Variants in ZNF678 observed in about 807,000 individuals in gnomAD.
The protein encoded by ZNF678 is zinc finger protein 678.
ZNF678 carries 5 observed loss-of-function variants against 3.0 expected under a neutral mutation model. That is an observed-to-expected ratio of 1.69 (90% confidence interval 0.88 to 3.56). ZNF678 has a LOEUF of 3.56. Among genes scored for constraint, ZNF678 ranks in the 30% most tolerant of loss-of-function variants. The probability of loss-of-function intolerance (pLI) is 0.00; values close to 1 mark genes in which losing one functional copy is unlikely to be tolerated. For synonymous variants in ZNF678, 218 were observed against 199.6 expected (o/e 1.09, Z -0.78); for missense variants, 593 against 605.0 (o/e 0.98, Z 0.21).
At chr1:227,577,816 G>A (rs116038414) in intron 1 of ZNF678, among the ~76,000 whole-genome samples, 1 of 152,250 alleles carries the variant, frequency 6.6e-6, no homozygotes, top group African/African-American at 2.4e-5. Flanking sequence ...TGTTCATGTG[G>A]TTGCTTTATA....
chr1:227,596,341 G>T (rs898464696), intron 1 of ZNF678, among the ~76,000 whole-genome samples: 3 of 152,188 alleles, frequency 2.0e-5, no homozygotes, highest in Admixed American at 1.3e-4. Flanking sequence ...ATTCAACCAG[G>T]AGCATTGGCA....
rs889971727 is a variant in ZNF678 at position 227,563,670 on chromosome 1, A to G, written c.-218A>G. On this transcript the variant is annotated 5_prime_UTR_variant, in exon 1 of 4. Coordinates refer to ENST00000343776, the MANE Select transcript of ZNF678 (RefSeq NM_001367909.1). Reference sequence around the variant, plus strand: ...AGTGTCTGGTTTCCCTGTGACCTGCAGGTACTGGGAGTTACATAGCTAAGA... The same window carrying G: ...AGTGTCTGGTTTCCCTGTGACCTGCGGGTACTGGGAGTTACATAGCTAAGA... 3.0e-6 allele frequency: 4 copies of G among 1,328,538 alleles called. No individual in the cohort carries two copies. In the African/African-American group the frequency reaches 6.0e-5, roughly 20 times the overall value. The allele number at this position is 1,328,538 out of a possible 1,614,324, so 82.3% of individuals were successfully genotyped here.
At chr1:227,574,135 T>C (rs1161844068) in intron 1 of ZNF678, among the ~76,000 whole-genome samples, 1 of 152,204 alleles carries the variant, frequency 6.6e-6, no homozygotes, top group African/African-American at 2.4e-5. Flanking sequence ...AGTGAACATA[T>C]ACATGCATTT....
At chr1:227,564,382 A>C (rs1185154960) in intron 1 of ZNF678, among the ~76,000 whole-genome samples, 2 of 152,190 alleles carry the variant, frequency 1.3e-5, no homozygotes, top group African/African-American at 2.4e-5. Context: ...TGAGCTATTA[A>C]TATTCTTTTT....
At chr1:227,580,079 A>G (rs1195615492) in intron 1 of ZNF678, among the ~76,000 whole-genome samples, 3 of 152,012 alleles carry the variant, frequency 2.0e-5, no homozygotes, top group Admixed American at 6.6e-5. Context: ...GTGAGAGTGG[A>G]TTGCTTCTTG....
At position 227,655,040 on chromosome 1, in the gene ZNF678, C is replaced by G. The variant is rs780042880; in HGVS notation, c.790C>G (p.Pro264Ala). Residue 264 changes from proline to alanine, a missense_variant, in exon 4 of 4, where the codon CCT becomes GCT. Pro to Ala is a conservative substitution (Grantham distance 27). Coordinates refer to ENST00000343776, the MANE Select transcript of ZNF678 (RefSeq NM_001367909.1). ...TAAGAGAATTCATACTGGAGAGAAACCTTACAAGTGTGAAGAATGTGGCAA... is the reference window on the plus strand; with the variant it reads ...TAAGAGAATTCATACTGGAGAGAAAGCTTACAAGTGTGAAGAATGTGGCAA... ...QHKRIHTGEK[P>A]YKCEECGNVF... 4 of 1,612,190 alleles carry G rather than the reference C, an allele frequency of 2.5e-6. No individual in the cohort carries two copies. The highest frequency in any genetic ancestry group is 3.4e-6 in the Non-Finnish European group (4 of 1,179,334).
rs776849089 is a variant in ZNF678 at position 227,655,323 on chromosome 1, T to A, written c.1073T>A (p.Phe358Tyr). The change falls in exon 4 of 4, where the codon TTT (phenylalanine) becomes TAT (tyrosine). Residue 358 changes from phenylalanine to tyrosine, a missense_variant. Transcript: ENST00000343776. ...AAATGTGAAGAATGTGGCAGAACCT[T>A]TACTCAATTCTCAAACCTCACTCAG... ...PYKCEECGRT[F>Y]TQFSNLTQHK... 6 of 1,611,060 alleles carry A rather than the reference T, an allele frequency of 3.7e-6. No homozygotes were observed. The highest frequency in any genetic ancestry group is 5.1e-6 in the Non-Finnish European group (6 of 1,178,214).
intron 1 of ZNF678, among the ~76,000 whole-genome samples, chr1:227,579,143 C>T (rs4388670): frequency 0.17 from 25,080 of 151,940 alleles, 2,619 homozygotes; most frequent in Non-Finnish European, 0.23. Context: ...TGAGGTGCAG[C>T]AGCTGCAGCA....
chr1:227,651,471 A>C (rs959335943), intron 3 of ZNF678, among the ~76,000 whole-genome samples: 1 of 152,176 alleles, frequency 6.6e-6, no homozygotes, highest in African/African-American at 2.4e-5. Flanking sequence ...GCAGTTCTGC[A>C]TCTATGGCCG....
In ZNF678 at chr1:227,563,556, C is replaced by A. The variant is rs527727761; in HGVS notation, c.-332C>A. On this transcript the variant is annotated 5_prime_UTR_variant, in exon 1 of 4. Transcript: ENST00000343776. ...GGGGGTTTCCGGGATCTGGCGGGGC[C>A]TTTGTCTTGTGCTCCAGCTGGAGCT... The A allele has an allele frequency of 9.5e-5, 63 of 666,126 alleles. 1 individual carries two copies. Among genetic ancestry groups the A allele is most frequent in the South Asian group, 5.9e-4 (40 of 68,276 alleles). 41.3% of individuals were successfully genotyped at this position (666,126 alleles called of 1,614,324 possible).
chr1:227,594,532 A>G (rs536647257), intron 1 of ZNF678, among the ~76,000 whole-genome samples: 1 of 152,360 alleles, frequency 6.6e-6, no homozygotes, highest in African/African-American at 2.4e-5. Flanking sequence ...TTTCTTTCCA[A>G]TTAACATTTT....
At chr1:227,665,786 C>T (rs1250716120), downstream of ZNF678, among the ~76,000 whole-genome samples, 2 of 152,088 alleles carry the variant, frequency 1.3e-5, no homozygotes, top group African/African-American at 2.4e-5. Context: ...TGTGGATTAT[C>T]TTTTTCTAGT....
Position 227,662,335 on chromosome 1 carries a change from G to T in ZNF678, c.*6507G>T, listed in dbSNP as rs1176766702. On this transcript the variant is annotated 3_prime_UTR_variant, in exon 4 of 4. Coordinates refer to ENST00000343776, the MANE Select transcript of ZNF678 (RefSeq NM_001367909.1). ...GAGTGAGAGTGGTATGAATTTTCCT[G>T]TAAGCTACCTGAAGTTCTGTTTGCT... 6.6e-6 allele frequency: 1 copy of T among 152,160 alleles called. No individual in the cohort carries two copies. The highest frequency in any genetic ancestry group is 1.5e-5 in the Non-Finnish European group (1 of 68,036). 9.4% of individuals were successfully genotyped at this position (152,160 alleles called of 1,614,324 possible).
chr1:227,565,265 C>G (rs1029419338), intron 1 of ZNF678, among the ~76,000 whole-genome samples: 11 of 151,888 alleles, frequency 7.2e-5, no homozygotes, highest in Non-Finnish European at 1.3e-4. Flanking sequence ...GGGGTTTCAC[C>G]ATGTTGGCCA....
intron 5 of ZNF678, among the ~76,000 whole-genome samples, chr1:227,669,433 A>C (rs1339139815): frequency 6.6e-6 from 1 of 152,014 alleles, no homozygotes; most frequent in African/African-American, 2.4e-5. Flanking sequence ...TCAGGAGATC[A>C]AGACCATCCT....
intron 1 of ZNF678, among the ~76,000 whole-genome samples, chr1:227,637,844 C>T (rs147379719): frequency 3.0e-4 from 45 of 152,206 alleles, no homozygotes; most frequent in African/African-American, 8.4e-4. Context: ...GAGGGATGTG[C>T]GGTCAGTTGT....
intron 1 of ZNF678, among the ~76,000 whole-genome samples, chr1:227,572,988 G>A (rs762859223): frequency 1.1e-4 from 16 of 152,252 alleles, no homozygotes; most frequent in Non-Finnish European, 2.2e-4. Flanking sequence ...TCTGGACTGC[G>A]AGACAGCCTG....
Position 227,645,227 on chromosome 1 carries a change from C to T in ZNF678, c.-163-1317C>T, listed in dbSNP as rs141174228. The stretch of plus-strand genomic sequence containing the variant: ...GCAGGTGAAGGAGTTGTGCTGACAT[C>T]TCTAAAGGCATATTCTCAAGATGTG... On this transcript the variant is annotated intron_variant, in intron 1 of 3. Transcript: ENST00000343776. 6.3e-4 allele frequency among the ~76,000 whole-genome samples: 96 copies of T among 152,272 alleles called. 2 individuals are homozygous for T. The highest frequency in any genetic ancestry group is 2.0e-3 in the African/African-American group (83 of 41,550).
intron 1 of ZNF678, among the ~76,000 whole-genome samples, chr1:227,595,590 C>T (rs752221288): frequency 6.6e-6 from 1 of 152,110 alleles, no homozygotes; most frequent in Admixed American, 6.5e-5. Context: ...CTTATTTGTG[C>T]CTGACCCATG....
Sources: gnomAD v4.1 joint callset for allele counts (sites outside exome capture counted in the v4.1 genomes callset) on GRCh38, gnomAD v4.1.1 for gene constraint, MANE v1.5 for transcripts, NCBI Gene and HGNC (gene_info 2026-07-23, HGNC 2026-07-21) for gene names.